Variants in TASP1 observed in about 807,000 individuals in gnomAD.
TASP1 encodes the protein threonine aspartase 1.
Under a neutral mutation model 56.6 loss-of-function variants are expected in TASP1, and 16 were observed. The ratio of observed to expected loss-of-function variants is 0.28; its 90% confidence interval spans 0.19 to 0.43. The LOEUF (loss-of-function observed/expected upper bound fraction) is 0.43, where lower values mean the gene tolerates loss of function less well. Ranked by LOEUF, TASP1 falls within the 20% of genes least tolerant of loss-of-function variation. TASP1 has a pLI of 1.00. For missense variants in TASP1, 393 were observed against 511.6 expected (o/e 0.77, Z 2.24); for synonymous variants, 179 against 184.2 (o/e 0.97, Z 0.23).
chr20:13,320,901 G>A, the TASP1 span, among the ~76,000 whole-genome samples: 1 of 152,068 alleles, frequency 6.6e-6, no homozygotes, highest in Non-Finnish European at 1.5e-5. Context: ...AGGTGATGGT[G>A]GAAATCATCT....
intron 10 of TASP1, among the ~76,000 whole-genome samples, chr20:13,514,768 A>T (rs957936929): frequency 1.4e-4 from 21 of 152,306 alleles, no homozygotes; most frequent in Non-Finnish European, 2.8e-4. Flanking sequence ...ACAACATACA[A>T]ATAAGTGTAC....
chr20:13,509,131 G>GTGTA (rs2044236065), intron 10 of TASP1, among the ~76,000 whole-genome samples: 1 of 148,378 alleles, frequency 6.7e-6, no homozygotes, highest in Non-Finnish European at 1.5e-5. Context: ...GAAAGTGTGT[G>GTGTA]TGTGTGTGTG....
chr20:13,404,247 T>C (rs935084346), intron 13 of TASP1, among the ~76,000 whole-genome samples: 3 of 152,198 alleles, frequency 2.0e-5, no homozygotes, highest in Non-Finnish European at 4.4e-5. Flanking sequence ...GTTAAAGTTA[T>C]GTAGGAAAAT....
At chr20:13,612,722 A>G (rs1263443577) in intron 4 of TASP1, among the ~76,000 whole-genome samples, 1 of 152,212 alleles carries the variant, frequency 6.6e-6, no homozygotes, top group Non-Finnish European at 1.5e-5. Flanking sequence ...CAAGATCAAG[A>G]AAGTAGGCAC....
chr20:13,224,385 C>T, the TASP1 span, among the ~76,000 whole-genome samples: 1 of 152,160 alleles, frequency 6.6e-6, no homozygotes, highest in East Asian at 1.9e-4. Flanking sequence ...ATTAGTCCAT[C>T]GTTTTCAGGC....
At chr20:13,207,572 C>G in the TASP1 span, among the ~76,000 whole-genome samples, 3 of 152,202 alleles carry the variant, frequency 2.0e-5, no homozygotes, top group African/African-American at 4.8e-5. Flanking sequence ...GTTCTGAGAA[C>G]TGGAGAGCTG....
intron 13 of TASP1, chr20:13,393,368 C>G: frequency 1.3e-6 from 1 of 744,794 alleles, no homozygotes; most frequent in Non-Finnish European, 2.4e-6. Context: ...ATGGCATGGC[C>G]TTCCATGTCC....
intron 4 of TASP1, among the ~76,000 whole-genome samples, chr20:13,609,671 C>T (rs1406590981): frequency 7.5e-6 from 1 of 132,720 alleles, no homozygotes; most frequent in Non-Finnish European, 1.6e-5. Context: ...GGGCAACAAG[C>T]GCAAAACTCT....
the TASP1 span, among the ~76,000 whole-genome samples, chr20:13,213,907 C>T: frequency 1.3e-5 from 2 of 152,130 alleles, no homozygotes; most frequent in Non-Finnish European, 2.9e-5. Flanking sequence ...GCAAAATCAG[C>T]TGACCTAGGC....
intron 11 of TASP1, among the ~76,000 whole-genome samples, chr20:13,478,163 A>G (rs1290872319): frequency 6.6e-6 from 1 of 152,188 alleles, no homozygotes; most frequent in Non-Finnish European, 1.5e-5. Flanking sequence ...GAGCCTAGTT[A>G]TAATGATTTA....
chr20:13,105,564 T>C, the TASP1 span, among the ~76,000 whole-genome samples: 1 of 152,238 alleles, frequency 6.6e-6, no homozygotes, highest in African/African-American at 2.4e-5. Flanking sequence ...GATTAATCCA[T>C]CGTGTTTATG....
At chr20:13,329,270 T>G in the TASP1 span, among the ~76,000 whole-genome samples, 2 of 152,130 alleles carry the variant, frequency 1.3e-5, no homozygotes, top group Non-Finnish European at 2.9e-5. Context: ...AGGAGGTAAG[T>G]CAGGTAAAAT....
chr20:13,587,498 A>T, intron 4 of TASP1, 128 bp from the exon 5 acceptor site: 1 of 672,204 alleles, frequency 1.5e-6, no homozygotes, highest in Non-Finnish European at 2.4e-6. Flanking sequence ...TGATGCCAAT[A>T]CCACCCTGAT....
rs2042958818 is a variant in TASP1, at chr20:13,435,170, T to G, written c.986-16A>C. On this transcript the variant is annotated splice_polypyrimidine_tract_variant and intron_variant, in intron 11 of 13. Coordinates refer to ENST00000337743, the MANE Select transcript of TASP1 (RefSeq NM_017714.3). ...AAAGGTGAACCTAGGCAGAAAGGAC[T>G]AGTAGTTATTTTTCAGTGAATTTTA... The G allele has an allele frequency of 1.3e-6, 2 of 1,526,118 alleles. No homozygotes were observed. Among genetic ancestry groups the G allele is most frequent in the Non-Finnish European group, 1.8e-6 (2 of 1,128,824 alleles). 94.5% of individuals were successfully genotyped at this position (1,526,118 alleles called of 1,614,324 possible).
chr20:13,380,352 A>T, the TASP1 span, among the ~76,000 whole-genome samples: 7 of 152,132 alleles, frequency 4.6e-5, no homozygotes, highest in African/African-American at 1.7e-4. Context: ...GGTCTGCTGG[A>T]GTTTGCTGGA....
intron 11 of TASP1, among the ~76,000 whole-genome samples, chr20:13,467,261 T>A (rs1333739287): frequency 2.0e-5 from 3 of 151,544 alleles, no homozygotes; most frequent in Non-Finnish European, 4.4e-5. Context: ...CAAGTAACTG[T>A]CAAATATTGC....
At chr20:13,149,436 G>A in the TASP1 span, among the ~76,000 whole-genome samples, 1 of 152,228 alleles carries the variant, frequency 6.6e-6, no homozygotes, top group Admixed American at 6.5e-5. Flanking sequence ...GTTTAGATGA[G>A]TAGCGTTTTA....
chr20:13,201,934 T>G, the TASP1 span, among the ~76,000 whole-genome samples: 1 of 152,012 alleles, frequency 6.6e-6, no homozygotes, highest in Non-Finnish European at 1.5e-5. Context: ...TTTATATTTG[T>G]AGTAGAGATG....
At chr20:13,638,199 T>C (rs1052267363) in intron 1 of TASP1, among the ~76,000 whole-genome samples, 1 of 152,158 alleles carries the variant, frequency 6.6e-6, no homozygotes, top group South Asian at 2.1e-4. Flanking sequence ...CCTAAGAATA[T>C]AAGTAAAAAT....
Sources: allele counts gnomAD v4.1 joint callset (sites outside exome capture counted in the v4.1 genomes callset), GRCh38; gene constraint gnomAD v4.1.1; transcripts MANE v1.5; gene names NCBI Gene and HGNC (gene_info 2026-07-23, HGNC 2026-07-21).